UNC5C: variants seen among roughly 807,000 people sequenced by gnomAD.
UNC5C encodes the protein netrin receptor UNC5C.
Under a neutral mutation model 99.8 loss-of-function variants are expected in UNC5C, and 47 were observed. That is an observed-to-expected ratio of 0.47 (90% CI 0.37 to 0.60). The LOEUF is 0.60. Ranked by LOEUF, UNC5C falls within the 20% of genes least tolerant of loss-of-function variation. The pLI is 0.00. For synonymous variants in UNC5C, 487 were observed against 452.2 expected (o/e 1.08, Z -0.98); for missense variants, 1,062 against 1,165.9 (o/e 0.91, Z 1.30).
chr4:95,237,813 C>T (rs1421868381), intron 7 of UNC5C, among the ~76,000 whole-genome samples: 3 of 152,014 alleles, frequency 2.0e-5, no homozygotes, highest in African/African-American at 4.8e-5. Flanking sequence ...GGGAAGCCGA[C>T]GCGGCAGATG....
intron 1 of UNC5C, among the ~76,000 whole-genome samples, chr4:95,441,728 T>C (rs1002913015): frequency 5.3e-5 from 8 of 152,298 alleles, no homozygotes; most frequent in East Asian, 1.9e-4. Flanking sequence ...GCAAAAGACC[T>C]GTATCATTAT....
chr4:95,274,789 G>A (rs1412477996), intron 4 of UNC5C, among the ~76,000 whole-genome samples: 5 of 152,116 alleles, frequency 3.3e-5, no homozygotes, highest in African/African-American at 1.2e-4. Context: ...ACTTTGAGAG[G>A]CTGAGGCAAG....
At chr4:95,442,946 G>A (rs1332623898) in intron 1 of UNC5C, among the ~76,000 whole-genome samples, 1 of 152,034 alleles carries the variant, frequency 6.6e-6, no homozygotes, top group Non-Finnish European at 1.5e-5. Flanking sequence ...AGGTTTGGAG[G>A]ACATGATAAT....
chr4:95,548,413 A>T (rs1294539895), intron 1 of UNC5C, among the ~76,000 whole-genome samples: 3 of 151,964 alleles, frequency 2.0e-5, no homozygotes, highest in Admixed American at 2.0e-4. Context: ...ATATGCAACA[A>T]CGTGCGCGTG....
intron 2 of UNC5C, among the ~76,000 whole-genome samples, chr4:95,310,964 T>C (rs1742254634): frequency 6.6e-6 from 1 of 152,182 alleles, no homozygotes; most frequent in African/African-American, 2.4e-5. Context: ...TCCTCTTTCC[T>C]TTGTGCGAGC....
At chr4:95,374,304 T>A (rs551120264) in intron 1 of UNC5C, among the ~76,000 whole-genome samples, 14 of 152,268 alleles carry the variant, frequency 9.2e-5, no homozygotes, top group Non-Finnish European at 1.8e-4. Context: ...TATCCTCTAA[T>A]CTTGACAAAT....
intron 1 of UNC5C, among the ~76,000 whole-genome samples, chr4:95,403,965 T>C (rs904899430): frequency 6.6e-6 from 1 of 152,112 alleles, no homozygotes; most frequent in Non-Finnish European, 1.5e-5. Flanking sequence ...TAGACATACA[T>C]AACACAATAA....
chr4:95,523,529 G>T (rs2149490975), intron 1 of UNC5C, among the ~76,000 whole-genome samples: 1 of 152,248 alleles, frequency 6.6e-6, no homozygotes, highest in East Asian at 1.9e-4. Context: ...CTGATTAGGG[G>T]TATAGCTTGT....
At chr4:95,533,312 C>T (rs916058707) in intron 1 of UNC5C, among the ~76,000 whole-genome samples, 14 of 151,876 alleles carry the variant, frequency 9.2e-5, no homozygotes, top group Admixed American at 7.9e-4. Context: ...GGAAGAATTG[C>T]TTGAAACCGG....
chr4:95,266,116 G>A (rs189178939), intron 4 of UNC5C, among the ~76,000 whole-genome samples: 1 of 152,288 alleles, frequency 6.6e-6, no homozygotes, highest in Non-Finnish European at 1.5e-5. Context: ...AAAAACACCT[G>A]AAAGAAATCT....
At chr4:95,297,586 C>T (rs995086568) in intron 3 of UNC5C, among the ~76,000 whole-genome samples, 7 of 152,062 alleles carry the variant, frequency 4.6e-5, no homozygotes, top group Non-Finnish European at 7.4e-5. Flanking sequence ...GAGACAAGCA[C>T]TATATTAGGA....
At chr4:95,422,295 G>A (rs2149456653) in intron 1 of UNC5C, among the ~76,000 whole-genome samples, 1 of 152,306 alleles carries the variant, frequency 6.6e-6, no homozygotes, top group Non-Finnish European at 1.5e-5. Flanking sequence ...GGGAAGGAAG[G>A]AAAAGAGTAG....
Position 95,168,423 on chromosome 4 carries a change from AAATAAT to A in UNC5C, c.*805_*810del. On this transcript the variant is annotated 3_prime_UTR_variant, in exon 16 of 16. Transcript: ENST00000453304. ...AAAATCATTTTACCAGAATACCTGT[AAATAAT>A]AATAATACCTTTAAAAAAAAACACT... is the stretch of plus-strand genomic sequence containing the variant. 6.6e-6 allele frequency: 1 copy of A among 152,526 alleles called. No homozygotes were observed. Among genetic ancestry groups the A allele is most frequent in the East Asian group, 1.9e-4 (1 of 5,196 alleles). 9.4% of individuals were successfully genotyped at this position (152,526 alleles called of 1,614,324 possible). A position where few individuals can be genotyped will look rare whatever the true frequency, so the allele number is the denominator to read the frequency against.
intron 14 of UNC5C, among the ~76,000 whole-genome samples, chr4:95,182,077 T>C (rs959207199): frequency 6.6e-6 from 1 of 152,030 alleles, no homozygotes; most frequent in Admixed American, 6.5e-5. Flanking sequence ...TTTGTTCCTC[T>C]GGTGTGAAGG....
chr4:95,403,099 G>A (rs1271685236), intron 1 of UNC5C, among the ~76,000 whole-genome samples: 1 of 152,112 alleles, frequency 6.6e-6, no homozygotes, highest in Non-Finnish European at 1.5e-5. Flanking sequence ...ACGTGGGCCA[G>A]TAATTACTAA....
chr4:95,208,902 T>C (rs965540212), intron 10 of UNC5C, among the ~76,000 whole-genome samples: 2 of 152,220 alleles, frequency 1.3e-5, no homozygotes, highest in African/African-American at 4.8e-5. Flanking sequence ...TATCTATGGG[T>C]ACCCTCGTTG....
At chr4:95,203,880 T>C (rs185767333) in intron 11 of UNC5C, among the ~76,000 whole-genome samples, 286 of 152,328 alleles carry the variant, frequency 1.9e-3, no homozygotes, top group Middle Eastern at 6.8e-3. Context: ...CTAGATCATG[T>C]GAGCAGTTGT....
At position 95,477,916 on chromosome 4, in the gene UNC5C, G is replaced by A. The variant is rs150837764; in HGVS notation, c.124+70818C>T. 5.1e-4 allele frequency among the ~76,000 whole-genome samples: 78 copies of A among 152,096 alleles called. 2 individuals carry two copies. In the East Asian group the frequency reaches 0.014, roughly 27 times the overall value. On this transcript the variant is annotated intron_variant, in intron 1 of 15. Coordinates refer to ENST00000453304, the MANE Select transcript of UNC5C (RefSeq NM_003728.4). The stretch of plus-strand genomic sequence containing the variant: ...TCACCCTAACCAAATGAGGTAGCCT[G>A]TCTCTGGGACCAATTAATAGTACCT...
chr4:95,518,615 T>A (rs1301916206), intron 1 of UNC5C, among the ~76,000 whole-genome samples: 1 of 152,196 alleles, frequency 6.6e-6, no homozygotes, highest in Non-Finnish European at 1.5e-5. Context: ...TATACATAAT[T>A]TTCAATATGC....
Sources: gnomAD v4.1 joint callset for allele counts (sites outside exome capture counted in the v4.1 genomes callset) on GRCh38, gnomAD v4.1.1 for gene constraint, MANE v1.5 for transcripts, NCBI Gene and HGNC (gene_info 2026-07-23, HGNC 2026-07-21) for gene names.